The following TENT5D variants were observed in gnomAD, a reference collection of about 807,000 sequenced individuals.
TENT5D encodes terminal nucleotidyltransferase 5D, also known as cancer/testis antigen 112.
For missense variants in TENT5D, 191 were observed against 287.0 expected (o/e 0.67, Z 2.42); for synonymous variants, 103 against 100.6 (o/e 1.02, Z -0.15).
chrX:80,411,011 T>G (rs866403379), intron 3 of TENT5D, among the ~76,000 whole-genome samples: 6 of 99,789 alleles, frequency 6.0e-5, no homozygotes, highest in Admixed American at 1.1e-4. Context: ...ACCAAACACC[T>G]CATATTCTCA....
At chrX:80,350,360 G>C (rs762642804) in intron 3 of TENT5D, among the ~76,000 whole-genome samples, 2 of 111,622 alleles carry the variant, frequency 1.8e-5, no homozygotes, top group South Asian at 7.4e-4. Context: ...ATTTAGGTTA[G>C]TTAGCTTTTC....
chrX:80,337,190 A>G lies in TENT5D; in HGVS notation c.-207+1474A>G, dbSNP rs1929868224. 2.7e-5 allele frequency among the ~76,000 whole-genome samples: 3 copies of G among 112,284 alleles called. No individual in the cohort carries two copies. The South Asian group carries it at 1.1e-3, about 41-fold the overall frequency. On this transcript the variant is annotated intron_variant, in intron 2 of 4. Transcript: ENST00000538312. ...TATAGAGAAAATATAAAAAGGAAAG[A>G]AAATATAACATTTTAGTTGTATATT...
At chrX:80,339,683 C>T (rs1373702996) in intron 2 of TENT5D, among the ~76,000 whole-genome samples, 1 of 107,616 alleles carries the variant, frequency 9.3e-6, no homozygotes, top group East Asian at 2.9e-4. Context: ...CATAAGGAGA[C>T]AAGATGAGAA....
rs781481375 is a variant in TENT5D at position 80,359,245 on chromosome X, T to C, written c.-142+16681T>C. On this transcript the variant is annotated intron_variant, in intron 3 of 4. Transcript: ENST00000538312. Reference sequence around the variant, plus strand: ...ACCATTGTGGAAGACAGTGTGGTGATTCCTCAGGGATCTAGAGCCAGAAAT... The same window carrying C: ...ACCATTGTGGAAGACAGTGTGGTGACTCCTCAGGGATCTAGAGCCAGAAAT... Among the ~76,000 whole-genome samples, 7 of 111,823 alleles carry C rather than the reference T, an allele frequency of 6.3e-5. No homozygotes were observed. The South Asian group carries it at 2.6e-3, about 42-fold the overall frequency.
At chrX:80,381,265 T>A (rs935456748) in intron 3 of TENT5D, among the ~76,000 whole-genome samples, 3 of 112,059 alleles carry the variant, frequency 2.7e-5, no homozygotes, top group Non-Finnish European at 5.6e-5. Flanking sequence ...CTTCTTTTCT[T>A]TAAGAATGTT....
At chrX:80,403,202 T>G (rs1035895769) in intron 3 of TENT5D, among the ~76,000 whole-genome samples, 1 of 111,864 alleles carries the variant, frequency 8.9e-6, no homozygotes, top group African/African-American at 3.3e-5. Context: ...TCAATGATAT[T>G]AAAATGCACT....
intron 3 of TENT5D, among the ~76,000 whole-genome samples, chrX:80,413,540 G>A (rs990180396): frequency 9.0e-6 from 1 of 111,627 alleles, no homozygotes; most frequent in Non-Finnish European, 1.9e-5. Context: ...ATTGAATCAT[G>A]GGGGCTGGTC....
intron 3 of TENT5D, among the ~76,000 whole-genome samples, chrX:80,411,936 CAG>C (rs1366715842): frequency 8.9e-6 from 1 of 112,218 alleles, no homozygotes. Context: ...GGCAGTACCC[CAG>C]TAAGGACTCT....
intron 3 of TENT5D, among the ~76,000 whole-genome samples, chrX:80,405,011 T>C (rs1931454944): frequency 8.9e-6 from 1 of 111,751 alleles, no homozygotes; most frequent in Admixed American, 9.5e-5. Flanking sequence ...AAACACTTCC[T>C]TTAGACCTTT....
At chrX:80,411,742 A>G (rs1465477496) in intron 3 of TENT5D, among the ~76,000 whole-genome samples, 1 of 112,723 alleles carries the variant, frequency 8.9e-6, no homozygotes, top group Non-Finnish European at 1.9e-5. Context: ...TTAGCTTAAT[A>G]TAACTTTAGA....
intron 3 of TENT5D, among the ~76,000 whole-genome samples, chrX:80,411,150 C>T (rs1032837873): frequency 1.9e-5 from 2 of 103,857 alleles, no homozygotes; most frequent in Admixed American, 1.0e-4. Flanking sequence ...TGCTGGATGA[C>T]GAGTTAGTGG....
At chrX:80,424,644 ATAACT>A (rs1931954998) in intron 1 of TENT5D, among the ~76,000 whole-genome samples, 1 of 112,489 alleles carries the variant, frequency 8.9e-6, no homozygotes, top group Non-Finnish European at 1.9e-5. Flanking sequence ...CAGCTGTATG[ATAACT>A]TTTGAAACAT....
intron 3 of TENT5D, among the ~76,000 whole-genome samples, chrX:80,394,769 T>A (rs190348476): frequency 1.0e-3 from 115 of 111,619 alleles, no homozygotes; most frequent in African/African-American, 3.5e-3. Flanking sequence ...TGTTTGTAGG[T>A]TACAGTGTGA....
intron 3 of TENT5D, among the ~76,000 whole-genome samples, chrX:80,359,354 T>C (rs183891850): frequency 8.9e-6 from 1 of 111,951 alleles, no homozygotes; most frequent in African/African-American, 3.3e-5. Flanking sequence ...TGCACACATA[T>C]GTTTATTGCA....
rs185460525 is a variant in TENT5D at position 80,440,548 on chromosome X, A to C, written c.-19+1816A>C. ...GTTTGGGAAAGAATTTCGTAATTTC[A>C]GTAATGTCAATATAGCAAGATAAAT... On this transcript the variant is annotated intron_variant, in intron 2 of 2. Transcript: ENST00000308293. Among the ~76,000 whole-genome samples, 105 of 110,892 alleles carry C rather than the reference A, an allele frequency of 9.5e-4. 1 individual carries two copies. In the Middle Eastern group the frequency reaches 0.023, roughly 24 times the overall value.
chrX:80,386,796 A>G (rs951993318), intron 3 of TENT5D, among the ~76,000 whole-genome samples: 1 of 111,445 alleles, frequency 9.0e-6, no homozygotes, highest in Non-Finnish European at 1.9e-5. Context: ...AACAAAATCA[A>G]CAGGGCACTA....
At chrX:80,436,253 A>G (rs985888892) in intron 1 of TENT5D, among the ~76,000 whole-genome samples, 1 of 111,245 alleles carries the variant, frequency 9.0e-6, no homozygotes, top group African/African-American at 3.3e-5. Context: ...CATTCAGAAA[A>G]GAAAATATGT....
chrX:80,429,851 C>T (rs1243442927), intron 1 of TENT5D, among the ~76,000 whole-genome samples: 1 of 111,313 alleles, frequency 9.0e-6, no homozygotes, highest in Non-Finnish European at 1.9e-5. Context: ...AATTGAATTA[C>T]GAGATAGGGA....
chrX:80,411,837 C>T (rs192425077), intron 3 of TENT5D, among the ~76,000 whole-genome samples: 7 of 111,984 alleles, frequency 6.3e-5, no homozygotes, highest in African/African-American at 2.3e-4. Context: ...TGAGAGTCTA[C>T]GGCTTTTCGA....
Sources: allele counts gnomAD v4.1 joint callset (sites outside exome capture counted in the v4.1 genomes callset), GRCh38; gene constraint gnomAD v4.1.1; transcripts MANE v1.5; gene names NCBI Gene and HGNC (gene_info 2026-07-23, HGNC 2026-07-21).